The following PTPRD variants were observed in gnomAD, a reference collection of about 807,000 sequenced individuals.
PTPRD encodes the protein receptor-type tyrosine-protein phosphatase delta.
PTPRD carries 34 observed loss-of-function variants against 214.5 expected under a neutral mutation model. The observed-to-expected ratio is 0.16, with a 90% CI of 0.12 to 0.21. The LOEUF (loss-of-function observed/expected upper bound fraction) is 0.21. Among genes scored for constraint, PTPRD ranks in the 10% least tolerant of loss-of-function variants. PTPRD has a pLI of 1.00. For synonymous variants in PTPRD, 1,128 were observed against 845.7 expected, an observed-to-expected ratio of 1.33 and a Z score of -5.79; for missense variants, 2,545 against 2,398.7, an observed-to-expected ratio of 1.06 and a Z score of -1.27.
At chr9:8,921,962 G>A (rs1352637510) in intron 11 of PTPRD, among the ~76,000 whole-genome samples, 1 of 152,138 alleles carries the variant, frequency 6.6e-6, no homozygotes, top group Non-Finnish European at 1.5e-5. Context: ...AACAATAAAA[G>A]GGAAAGTTGG....
chr9:8,605,969 G>A (rs958477693), intron 14 of PTPRD, among the ~76,000 whole-genome samples: 3 of 151,956 alleles, frequency 2.0e-5, no homozygotes, highest in Admixed American at 6.6e-5. Flanking sequence ...TTCGGGGAGC[G>A]GGGGTGTCGA....
chr9:10,449,287 C>A (rs2098821065), intron 2 of PTPRD, among the ~76,000 whole-genome samples: 2 of 151,880 alleles, frequency 1.3e-5, no homozygotes, highest in Non-Finnish European at 2.9e-5. Context: ...GTGATCTGCC[C>A]ACCTGGGCCT....
intron 7 of PTPRD, among the ~76,000 whole-genome samples, chr9:9,575,314 T>C (rs1361510313): frequency 5.3e-5 from 8 of 152,184 alleles, no homozygotes. Context: ...TCGTTCACTG[T>C]ACATCCTAAA....
At chr9:9,837,787 C>T (rs1043507768) in intron 5 of PTPRD, among the ~76,000 whole-genome samples, 55 of 152,160 alleles carry the variant, frequency 3.6e-4, no homozygotes, top group African/African-American at 1.3e-3. Context: ...TATTATTATA[C>T]TTTAAGTTTT....
At chr9:8,580,579 C>T (rs2092968178) in intron 14 of PTPRD, among the ~76,000 whole-genome samples, 3 of 152,264 alleles carry the variant, frequency 2.0e-5, no homozygotes, top group South Asian at 4.1e-4. Context: ...AAGTCTTTGA[C>T]AGGTTAATTA....
chr9:9,082,183 A>G (rs966203250), intron 10 of PTPRD, among the ~76,000 whole-genome samples: 2 of 151,980 alleles, frequency 1.3e-5, no homozygotes, highest in African/African-American at 4.8e-5. Context: ...GGCCACCCCA[A>G]TGAACATCGA....
At chr9:8,521,208 C>A in intron 20 of PTPRD, 69 bp downstream of exon 20, 1 of 1,511,138 alleles carries the variant, frequency 6.6e-7, no homozygotes, top group Non-Finnish European at 8.9e-7. Context: ...CAAGGATGGG[C>A]TTTCTAGAGG....
chr9:9,794,915 T>G (rs2098992432), intron 5 of PTPRD, among the ~76,000 whole-genome samples: 1 of 152,140 alleles, frequency 6.6e-6, no homozygotes, highest in Non-Finnish European at 1.5e-5. Flanking sequence ...AGATAACAGT[T>G]TAGAAGATGC....
intron 14 of PTPRD, among the ~76,000 whole-genome samples, chr9:8,566,098 A>ATATGTG (rs1554806722): frequency 2.2e-5 from 1 of 46,154 alleles, no homozygotes; most frequent in African/African-American, 7.5e-5. Flanking sequence ...TGAATGCAAA[A>ATATGTG]TATGTGTGTG....
intron 2 of PTPRD, among the ~76,000 whole-genome samples, chr9:10,441,981 A>C (rs1034252607): frequency 6.6e-6 from 1 of 151,612 alleles, no homozygotes; most frequent in Non-Finnish European, 1.5e-5. Context: ...CTGGAGAAAA[A>C]AGTTGAAAAA....
chr9:9,898,217 G>A (rs1480283208), intron 5 of PTPRD, among the ~76,000 whole-genome samples: 1 of 151,956 alleles, frequency 6.6e-6, no homozygotes, highest in Non-Finnish European at 1.5e-5. Context: ...AAATATAGAG[G>A]TCTATATCAA....
At position 9,037,084 on chromosome 9, in the gene PTPRD, C is replaced by A. The variant is rs117802909; in HGVS notation, c.-142-18349G>T. Among the ~76,000 whole-genome samples, 914 of 152,156 alleles carry A rather than the reference C, an allele frequency of 6.0e-3. 6 individuals are homozygous for A. Among genetic ancestry groups the A allele is most frequent in the Non-Finnish European group, 9.9e-3 (672 of 67,998 alleles). On this transcript the variant is annotated intron_variant, in intron 10 of 45. Transcript: ENST00000381196. The stretch of plus-strand genomic sequence containing the variant: ...ACAATGGTATGTCCATTTAAGAAAC[C>A]CGTTAATAACAGGAAGTAACTCACT...
At chr9:9,329,512 C>A (rs1461969519) in intron 9 of PTPRD, among the ~76,000 whole-genome samples, 2 of 152,178 alleles carry the variant, frequency 1.3e-5, no homozygotes, top group African/African-American at 4.8e-5. Flanking sequence ...AATACAATTA[C>A]AATTATTGCT....
At chr9:9,823,327 G>T (rs994905575) in intron 5 of PTPRD, among the ~76,000 whole-genome samples, 34 of 151,870 alleles carry the variant, frequency 2.2e-4, no homozygotes, top group African/African-American at 8.2e-4. Flanking sequence ...AGGAGCAAGA[G>T]AGAAAGAGTG....
At chr9:9,732,547 G>A (rs190512580) in intron 7 of PTPRD, among the ~76,000 whole-genome samples, 3 of 152,142 alleles carry the variant, frequency 2.0e-5, no homozygotes, top group African/African-American at 7.2e-5. Flanking sequence ...ACAGGAGGAG[G>A]GTCCAGATCC....
At chr9:8,636,040 T>C (rs2096421577) in intron 13 of PTPRD, among the ~76,000 whole-genome samples, 1 of 152,202 alleles carries the variant, frequency 6.6e-6, no homozygotes, top group Non-Finnish European at 1.5e-5. Context: ...TTTGCATGTG[T>C]TTCTTTCAGA....
chr9:9,830,314 G>A (rs943377597), intron 5 of PTPRD, among the ~76,000 whole-genome samples: 2 of 151,024 alleles, frequency 1.3e-5, no homozygotes, highest in Non-Finnish European at 3.0e-5. Context: ...TTTTTTATTT[G>A]CCTTTTTATT....
intron 35 of PTPRD, among the ~76,000 whole-genome samples, 155 bp downstream of exon 35, chr9:8,436,437 C>G (rs942192414): frequency 3.3e-5 from 5 of 152,140 alleles, no homozygotes; most frequent in Admixed American, 1.3e-4. Flanking sequence ...CTTGTGCAGA[C>G]ACTTTTAAGT....
intron 3 of PTPRD, among the ~76,000 whole-genome samples, chr9:10,147,943 A>G (rs2099035101): frequency 6.6e-6 from 1 of 152,200 alleles, no homozygotes; most frequent in Admixed American, 6.5e-5. Flanking sequence ...ATATTGTGGT[A>G]GCAAGGTCTG....
Sources: gnomAD v4.1 joint callset for allele counts (sites outside exome capture counted in the v4.1 genomes callset) on GRCh38, gnomAD v4.1.1 for gene constraint, MANE v1.5 for transcripts, NCBI Gene and HGNC (gene_info 2026-07-23, HGNC 2026-07-21) for gene names.